Variants in PACSIN2 observed in about 807,000 individuals in gnomAD.
PACSIN2 encodes protein kinase C and casein kinase substrate in neurons protein 2.
Under a neutral mutation model 63.8 loss-of-function variants are expected in PACSIN2, and 25 were observed. The observed-to-expected ratio is 0.39, with a 90% CI of 0.29 to 0.55. The LOEUF (loss-of-function observed/expected upper bound fraction) is 0.55. Among genes scored for constraint, PACSIN2 ranks in the 20% least tolerant of loss-of-function variants. The pLI, the probability that PACSIN2 is intolerant of heterozygous loss-of-function variation, is 0.62. For synonymous variants in PACSIN2, 255 were observed against 256.2 expected, an observed-to-expected ratio of 1.00 and a Z score of 0.05; for missense variants, 518 against 646.9, an observed-to-expected ratio of 0.80 and a Z score of 2.16.
Position 42,884,392 on chromosome 22 carries a change from A to G in PACSIN2, c.779T>C (p.Val260Ala), listed in dbSNP as rs1005495452. 3.7e-6 allele frequency: 6 copies of G among 1,611,732 alleles called. No homozygotes were observed. The highest frequency in any genetic ancestry group is 4.2e-6 in the Non-Finnish European group (5 of 1,179,278). ...TAGCTCAAAGGAAACTTACCCAGCC[A>G]CATTGGACAGGTCTAGGTGCTTCTG... Reference protein sequence around the residue: ...EVQKHLDLSNVAGYKAIYHDL... With the variant: ...EVQKHLDLSNAAGYKAIYHDL... The change falls in exon 6 of 11, where the codon GTG becomes GCG. Residue 260 changes from valine (V) to alanine (A), a missense_variant. Physicochemically the swap from Val to Ala is moderately conservative, Grantham distance 64. Around this residue, in one of 2 missense-constraint regions of PACSIN2, gnomAD observed 507 missense variants for 612.3 expected, o/e 0.83. Coordinates refer to ENST00000263246, the MANE Select transcript of PACSIN2 (RefSeq NM_001184970.3).
chr22:42,878,967 G>A lies in PACSIN2; in HGVS notation c.1028+81C>T, dbSNP rs566546608. 1.4e-5 allele frequency: 21 copies of A among 1,455,378 alleles called. No individual in the cohort carries two copies. In the East Asian group the frequency reaches 2.9e-4, roughly 20 times the overall value. The allele number at this position is 1,455,378 out of a possible 1,614,324, so 90.2% of individuals were successfully genotyped here. A position where few individuals can be genotyped will look rare whatever the true frequency, so the allele number is the denominator to read the frequency against. ...CAGGAACCTCCCAGGTGTCCAGGCC[G>A]GGGCTGCCCTGGACCATGCAGATTG... On this transcript the variant is annotated intron_variant, in intron 8 of 10. Coordinates refer to ENST00000263246, the MANE Select transcript of PACSIN2 (RefSeq NM_001184970.3).
intron 1 of PACSIN2, among the ~76,000 whole-genome samples, chr22:43,009,609 C>T (rs1924319821): frequency 6.6e-6 from 1 of 152,190 alleles, no homozygotes; most frequent in African/African-American, 2.4e-5. Flanking sequence ...CTGATTGTCC[C>T]AGACCTCAGG....
At chr22:42,887,256 G>A (rs4374465) in intron 5 of PACSIN2, among the ~76,000 whole-genome samples, 53,843 of 151,846 alleles carry the variant, frequency 0.35, 10,707 homozygotes, top group Non-Finnish European at 0.45. Flanking sequence ...ACGAACTCTC[G>A]TGTAGATGAC....
intron 1 of PACSIN2, among the ~76,000 whole-genome samples, chr22:42,917,324 C>T (rs956266195): frequency 1.3e-5 from 2 of 152,084 alleles, no homozygotes; most frequent in Admixed American, 6.6e-5. Context: ...AACTAAATAT[C>T]GGTCAGACAC....
chr22:42,972,368 C>T (rs531820648), intron 1 of PACSIN2, among the ~76,000 whole-genome samples: 5 of 152,304 alleles, frequency 3.3e-5, no homozygotes, highest in Admixed American at 1.3e-4. Flanking sequence ...ATAAACATTG[C>T]GGAAGGCCGC....
intron 1 of PACSIN2, among the ~76,000 whole-genome samples, chr22:42,985,588 C>T (rs901197496): frequency 3.3e-5 from 5 of 152,180 alleles, no homozygotes; most frequent in African/African-American, 1.2e-4. Context: ...CTGAGAAGGA[C>T]CCACCTGGTT....
chr22:42,878,475 T>C (rs1928816819), intron 8 of PACSIN2, among the ~76,000 whole-genome samples: 1 of 152,200 alleles, frequency 6.6e-6, no homozygotes, highest in Non-Finnish European at 1.5e-5. Context: ...GCACACACTT[T>C]CCAGAAGGTT....
In PACSIN2 at chr22:42,871,204, G is replaced by T; in HGVS notation, c.*153C>A. 1.6e-6 allele frequency: 1 copy of T among 634,622 alleles called. No individual in the cohort carries two copies. The highest frequency in any genetic ancestry group is 2.9e-6 in the Non-Finnish European group (1 of 348,598). 39.3% of individuals were successfully genotyped at this position (634,622 alleles called of 1,614,324 possible). A position where few individuals can be genotyped will look rare whatever the true frequency, so the allele number is the denominator to read the frequency against. On this transcript the variant is annotated 3_prime_UTR_variant, in exon 11 of 11. Coordinates refer to ENST00000263246, the MANE Select transcript of PACSIN2 (RefSeq NM_001184970.3). This position sits in a 1 kb window ranked among gnomAD's most constrained non-coding sequence, Gnocchi z 5.4. ...CTCGGAAAGGTGCCGAGTCCCAGGC[G>T]AAATGACCAGCTCATCTGCCTTCCA...
chr22:42,935,483 C>T (rs1932891548), intron 1 of PACSIN2, among the ~76,000 whole-genome samples: 1 of 152,156 alleles, frequency 6.6e-6, no homozygotes, highest in Non-Finnish European at 1.5e-5. Flanking sequence ...AAACTTGTTT[C>T]CACATAAGCT....
chr22:42,967,721 T>C (rs184744623), intron 1 of PACSIN2, among the ~76,000 whole-genome samples: 232 of 152,150 alleles, frequency 1.5e-3, no homozygotes, highest in African/African-American at 5.3e-3. Flanking sequence ...ACCCCATCTC[T>C]ACTAAAAATA....
intron 1 of PACSIN2, among the ~76,000 whole-genome samples, chr22:43,008,047 G>A (rs1423144784): frequency 6.6e-6 from 1 of 152,234 alleles, no homozygotes; most frequent in Non-Finnish European, 1.5e-5. Context: ...ATAACAGGAA[G>A]ACAGGTGGAT....
intron 3 of PACSIN2, among the ~76,000 whole-genome samples, chr22:42,891,797 A>AG (rs985891452): frequency 9.8e-5 from 15 of 152,344 alleles, no homozygotes; most frequent in Admixed American, 8.5e-4. Flanking sequence ...TGGCCAGAGA[A>AG]GGGGGGACCT....
chr22:42,991,745 G>A (rs1000633245), intron 1 of PACSIN2, among the ~76,000 whole-genome samples: 1 of 145,864 alleles, frequency 6.9e-6, no homozygotes, highest in Non-Finnish European at 1.5e-5. Context: ...TCACCAATTA[G>A]AAATTTTCCC....
rs1928062750 is a variant in PACSIN2, at chr22:42,870,973, A to G, written c.*384T>C. The G allele has an allele frequency of 4.5e-6, 1 of 220,196 alleles. No homozygotes were observed. The highest frequency in any genetic ancestry group is 2.2e-5 in the African/African-American group (1 of 44,682). The allele number at this position is 220,196 out of a possible 1,614,324, so 13.6% of individuals were successfully genotyped here. On this transcript the variant is annotated 3_prime_UTR_variant, in exon 11 of 11. Coordinates refer to ENST00000263246, the MANE Select transcript of PACSIN2 (RefSeq NM_001184970.3). The stretch of plus-strand genomic sequence containing the variant: ...AAATCTTCACTCAAAATGGGATGTA[A>G]GCTTGTTCATTTAAGTTGCAGGTGA...
intron 8 of PACSIN2, 108 bp downstream of exon 8, chr22:42,878,940 C>T (rs750169205): frequency 3.0e-5 from 40 of 1,315,276 alleles, no homozygotes; most frequent in Non-Finnish European, 4.1e-5. Flanking sequence ...AGCTCAGGAG[C>T]CCAGGAACCT....
At chr22:42,916,414 TG>T (rs1413098247) in intron 1 of PACSIN2, among the ~76,000 whole-genome samples, 1 of 1,064 alleles carries the variant, frequency 9.4e-4, no homozygotes, top group South Asian at 0.029. Flanking sequence ...GGGGTGGGGA[TG>T]GGGGGTGGGG....
chr22:42,954,297 G>A lies in PACSIN2; in HGVS notation c.-77-42140C>T, dbSNP rs552460269. Among the ~76,000 whole-genome samples the A allele has an allele frequency of 1.1e-4, 17 of 152,310 alleles. No homozygotes were observed. The South Asian group carries it at 3.5e-3, about 32-fold the overall frequency. ...AAGCACATAAAGGAAGGTTCCCTTG[G>A]ACAGAGAGTGGAGAACAGCCCATTG... On this transcript the variant is annotated intron_variant, in intron 1 of 10. Coordinates refer to ENST00000263246, the MANE Select transcript of PACSIN2 (RefSeq NM_001184970.3).
chr22:42,878,047 A>G (rs1219383536), intron 8 of PACSIN2, among the ~76,000 whole-genome samples: 1 of 152,200 alleles, frequency 6.6e-6, no homozygotes, highest in Non-Finnish European at 1.5e-5. Flanking sequence ...TCCAGGCCAC[A>G]TGTCTGAGCT....
In PACSIN2 at chr22:42,915,135, T is replaced by C. The variant is rs191936363; in HGVS notation, c.-77-2978A>G. ...CTCCTGCCTTGGCCTCCCAAATTGCTGAGATTACATGGATGAGCCACCACA... is the reference window on the plus strand; with the variant it reads ...CTCCTGCCTTGGCCTCCCAAATTGCCGAGATTACATGGATGAGCCACCACA... On this transcript the variant is annotated intron_variant, in intron 1 of 10. Transcript: ENST00000263246. Among the ~76,000 whole-genome samples the C allele has an allele frequency of 2.5e-4, 38 of 152,232 alleles. No homozygotes were observed. In the East Asian group the frequency reaches 7.1e-3, roughly 29 times the overall value.
Sources: gnomAD v4.1 joint callset for allele counts (sites outside exome capture counted in the v4.1 genomes callset) on GRCh38, gnomAD v4.1.1 for gene constraint, gnomAD v4.1.1 regional missense constraint, Gnocchi (gnomAD v3.1) non-coding constraint, MANE v1.5 for transcripts, NCBI Gene and HGNC (gene_info 2026-07-23, HGNC 2026-07-21) for gene names.